The following B3GLCT variants were observed in gnomAD, a reference collection of about 807,000 sequenced individuals.
B3GLCT encodes beta-1,3-glucosyltransferase.
In B3GLCT, 65 loss-of-function variants were observed where a neutral mutation model predicts 63.4. That is an observed-to-expected ratio of 1.03 (90% CI 0.84 to 1.26). B3GLCT has a LOEUF of 1.26. Among genes scored for constraint, B3GLCT ranks in the 50% most tolerant of loss-of-function variants. The pLI, the probability that B3GLCT is intolerant of heterozygous loss-of-function variation, is 0.00. For missense variants in B3GLCT, 577 were observed against 604.8 expected (o/e 0.95, Z 0.48); for synonymous variants, 233 against 219.2 (o/e 1.06, Z -0.55).
intron 12 of B3GLCT, among the ~76,000 whole-genome samples, chr13:31,296,013 A>G (rs1873922822): frequency 6.6e-6 from 1 of 152,126 alleles, no homozygotes; most frequent in South Asian, 2.1e-4. Flanking sequence ...TCTGGGCTGG[A>G]ATGCACCATT....
At chr13:31,326,618 C>T (rs1875640508) in intron 14 of B3GLCT, among the ~76,000 whole-genome samples, 2 of 152,090 alleles carry the variant, frequency 1.3e-5, no homozygotes, top group South Asian at 4.2e-4. Flanking sequence ...CCTCTCTCTT[C>T]CTGTATGCAG....
At chr13:31,283,931 A>G (rs981242733) in intron 10 of B3GLCT, among the ~76,000 whole-genome samples, 7 of 152,226 alleles carry the variant, frequency 4.6e-5, no homozygotes, top group Non-Finnish European at 1.5e-5. Context: ...TTTTTTAAGT[A>G]TAGAAGAAAA....
chr13:31,299,916 A>G (rs903713620), intron 12 of B3GLCT, among the ~76,000 whole-genome samples: 6 of 152,206 alleles, frequency 3.9e-5, no homozygotes, highest in African/African-American at 1.4e-4. Flanking sequence ...TGGGCAGGCA[A>G]TTGGTCACTG....
At chr13:31,281,255 T>C (rs1873055185) in intron 10 of B3GLCT, among the ~76,000 whole-genome samples, 1 of 152,120 alleles carries the variant, frequency 6.6e-6, no homozygotes, top group African/African-American at 2.4e-5. Flanking sequence ...TCTTAAAAAT[T>C]AGCACTATAT....
At chr13:31,319,287 C>T (rs1373890756) in intron 13 of B3GLCT, among the ~76,000 whole-genome samples, 3 of 152,126 alleles carry the variant, frequency 2.0e-5, no homozygotes, top group Admixed American at 6.5e-5. Context: ...TGTCTTAAAA[C>T]TTCTCACCAC....
chr13:31,323,629 A>G, intron 13 of B3GLCT, 122 bp from the exon 14 acceptor site: 1 of 1,115,896 alleles, frequency 9.0e-7, no homozygotes, highest in East Asian at 2.3e-5. Context: ...CTCAGTAACT[A>G]GAGAAAGCTA....
chr13:31,237,751 G>A (rs551194010), intron 4 of B3GLCT, among the ~76,000 whole-genome samples: 4 of 152,218 alleles, frequency 2.6e-5, no homozygotes, highest in Non-Finnish European at 5.9e-5. Flanking sequence ...AGAGGCATAA[G>A]TTGTTGGCGT....
At chr13:31,229,591 C>T (rs1293000196) in intron 4 of B3GLCT, among the ~76,000 whole-genome samples, 7 of 151,842 alleles carry the variant, frequency 4.6e-5, no homozygotes, top group African/African-American at 1.2e-4. Flanking sequence ...ACTAAAAATA[C>T]GAAAATTAGC....
At chr13:31,238,820 T>C (rs1302415684) in intron 4 of B3GLCT, among the ~76,000 whole-genome samples, 1 of 152,210 alleles carries the variant, frequency 6.6e-6, no homozygotes, top group South Asian at 2.1e-4. Flanking sequence ...TGAGCATCTA[T>C]GGTTATATTA....
Position 31,247,891 on chromosome 13 carries a change from T to A in B3GLCT, c.384T>A (p.Ile128=), listed in dbSNP as rs139934988. Residue 128 remains isoleucine, a synonymous_variant, in exon 6 of 15, where the codon ATT becomes ATA. Coordinates refer to ENST00000343307, the MANE Select transcript of B3GLCT (RefSeq NM_194318.4). The stretch of plus-strand genomic sequence containing the variant: ...CATATAGCAGAAATTCATCTTGGAT[T>A]TTCTTCTGTGAAGAAGAGACAAGAA... ...SVTYSRNSSW[I]FFCEEETRIQ... 5.6e-6 allele frequency: 9 copies of A among 1,610,306 alleles called. No homozygotes were observed. The African/African-American group carries it at 1.1e-4, about 19-fold the overall frequency.
chr13:31,213,000 TGAA>T (rs1869350429), intron 1 of B3GLCT, among the ~76,000 whole-genome samples: 1 of 142,562 alleles, frequency 7.0e-6, no homozygotes, highest in Admixed American at 7.0e-5. Context: ...TCTTAGAACT[TGAA>T]GAAATGATTG....
chr13:31,259,917 G>C (rs1041205748), intron 6 of B3GLCT, among the ~76,000 whole-genome samples: 1 of 151,918 alleles, frequency 6.6e-6, no homozygotes, highest in Non-Finnish European at 1.5e-5. Context: ...TCAATCATTT[G>C]CTTTGTGTAA....
chr13:31,329,481 A>G lies in B3GLCT; in HGVS notation c.1330-20A>G. The G allele has an allele frequency of 1.2e-6, 2 of 1,613,950 alleles. No homozygotes were observed. Among genetic ancestry groups the G allele is most frequent in the Non-Finnish European group, 1.7e-6 (2 of 1,179,884 alleles). ...TATATTCAATCAACAAGGAAGCCTA[A>G]CTCTCTATTTTTCCTGCAGGCTCGG... is the stretch of plus-strand genomic sequence containing the variant. On this transcript the variant is annotated intron_variant, in intron 14 of 14. Transcript: ENST00000343307.
intron 2 of B3GLCT, among the ~76,000 whole-genome samples, chr13:31,217,154 T>C (rs1869603527): frequency 6.6e-6 from 1 of 152,246 alleles, no homozygotes; most frequent in Admixed American, 6.5e-5. Flanking sequence ...TAGTGCGAGA[T>C]GGTATTTCAT....
At chr13:31,260,030 T>A (rs1871947614) in intron 6 of B3GLCT, among the ~76,000 whole-genome samples, 1 of 152,184 alleles carries the variant, frequency 6.6e-6, no homozygotes, top group African/African-American at 2.4e-5. Flanking sequence ...TAGAATAAAG[T>A]CTGTGCTCCT....
At position 31,200,135 on chromosome 13, in the gene B3GLCT, G is replaced by T; in HGVS notation, c.51G>T (p.Ala17=). 1 of 1,367,018 alleles carries T rather than the reference G, an allele frequency of 7.3e-7. No individual in the cohort carries two copies. The highest frequency in any genetic ancestry group is 1.4e-5 in the South Asian group (1 of 70,232). The allele number at this position is 1,367,018 out of a possible 1,614,324, so 84.7% of individuals were successfully genotyped here. The change falls in exon 1 of 15, where the codon GCG becomes GCT. Residue 17 remains alanine (A), a synonymous_variant. Coordinates refer to ENST00000343307, the MANE Select transcript of B3GLCT (RefSeq NM_194318.4). ...WWLLAPPALL[A]LLTCSLAFGL... ...TGCTCGCGCCGCCGGCGCTGCTCGCGCTCCTCACCTGCTCCCTGGGTAAGT... is the reference window on the plus strand; with the variant it reads ...TGCTCGCGCCGCCGGCGCTGCTCGCTCTCCTCACCTGCTCCCTGGGTAAGT...
At chr13:31,229,525 C>G (rs1050356654) in intron 4 of B3GLCT, among the ~76,000 whole-genome samples, 1 of 152,100 alleles carries the variant, frequency 6.6e-6, no homozygotes, top group African/African-American at 2.4e-5. Context: ...GTGGGCGGAT[C>G]CCTTGACGTC....
chr13:31,245,679 C>T (rs1346706207), intron 4 of B3GLCT, among the ~76,000 whole-genome samples: 1 of 152,116 alleles, frequency 6.6e-6, no homozygotes, highest in Non-Finnish European at 1.5e-5. Flanking sequence ...CTCACATTTG[C>T]ATTTACCCAT....
chr13:31,319,077 G>A (rs1875199787), intron 13 of B3GLCT, among the ~76,000 whole-genome samples: 1 of 152,158 alleles, frequency 6.6e-6, no homozygotes, highest in Admixed American at 6.5e-5. Context: ...CACAGGGAAT[G>A]CACAGATGAA....
Sources: allele counts gnomAD v4.1 joint callset (sites outside exome capture counted in the v4.1 genomes callset), GRCh38; gene constraint gnomAD v4.1.1; transcripts MANE v1.5; gene names NCBI Gene and HGNC (gene_info 2026-07-23, HGNC 2026-07-21).